The following RBM47 variants were observed in gnomAD, a reference collection of about 807,000 sequenced individuals.
RBM47 encodes RNA binding motif protein 47, also known as RNA-binding protein 47.
RBM47 carries 21 observed loss-of-function variants against 47.1 expected under a neutral mutation model. That is an observed-to-expected ratio of 0.45 (90% CI 0.32 to 0.64). RBM47 has a LOEUF of 0.64. Ranked by LOEUF, RBM47 falls within the 30% of genes least tolerant of loss-of-function variation. The pLI is 0.05. For synonymous variants in RBM47, 375 were observed against 361.7 expected (o/e 1.04, Z -0.42); for missense variants, 708 against 870.9 (o/e 0.81, Z 2.35).
At chr4:40,618,366 G>A (rs1268996157) in intron 1 of RBM47, among the ~76,000 whole-genome samples, 1 of 152,116 alleles carries the variant, frequency 6.6e-6, no homozygotes, top group African/African-American at 2.4e-5. Context: ...AGATTTTACA[G>A]TGAGCAATGT....
chr4:40,605,323 C>T (rs1735667315), intron 1 of RBM47, among the ~76,000 whole-genome samples: 3 of 151,960 alleles, frequency 2.0e-5, no homozygotes, highest in African/African-American at 4.8e-5. Context: ...CTCTGCCCGG[C>T]GCGCCACATG....
At chr4:40,445,671 A>G (rs7693211) in intron 3 of RBM47, among the ~76,000 whole-genome samples, 3,983 of 152,282 alleles carry the variant, frequency 0.026, 174 homozygotes, top group African/African-American at 0.091. Flanking sequence ...AGCCTGCTTC[A>G]AAAGGGTCAT....
At chr4:40,435,320 G>A (rs752799958) in intron 5 of RBM47, among the ~76,000 whole-genome samples, 8 of 152,060 alleles carry the variant, frequency 5.3e-5, no homozygotes, top group Non-Finnish European at 8.8e-5. Flanking sequence ...AGGCTCAGGC[G>A]GGTGGCTCAC....
chr4:40,537,393 G>C (rs1728088833), intron 2 of RBM47, among the ~76,000 whole-genome samples: 5 of 151,852 alleles, frequency 3.3e-5, no homozygotes. Context: ...CTCCTGAGTA[G>C]CTGGGACTAC....
intron 2 of RBM47, among the ~76,000 whole-genome samples, chr4:40,537,608 A>C (rs562371469): frequency 6.6e-6 from 1 of 152,206 alleles, no homozygotes; most frequent in South Asian, 2.1e-4. Flanking sequence ...AGGCTGATGA[A>C]CTGATTTTAA....
At chr4:40,600,999 A>AGAAAAGAAAG (rs1553907562) in intron 1 of RBM47, among the ~76,000 whole-genome samples, 7 of 147,366 alleles carry the variant, frequency 4.8e-5, no homozygotes, top group African/African-American at 1.6e-4. Flanking sequence ...AAAAAAAAAA[A>AGAAAAGAAAG]AAAGAAAGAA....
chr4:40,463,630 A>T (rs1310410774), intron 3 of RBM47, among the ~76,000 whole-genome samples: 1 of 152,104 alleles, frequency 6.6e-6, no homozygotes, highest in African/African-American at 2.4e-5. Context: ...TTGGTAAGTA[A>T]TAACAGATCT....
chr4:40,562,994 C>T (rs1730777675), intron 1 of RBM47, among the ~76,000 whole-genome samples: 1 of 152,110 alleles, frequency 6.6e-6, no homozygotes, highest in African/African-American at 2.4e-5. Flanking sequence ...TAAAAATATC[C>T]AAAATGACGG....
At chr4:40,451,184 CAAAAA>C (rs958122281) in intron 3 of RBM47, among the ~76,000 whole-genome samples, 15 of 51,472 alleles carry the variant, frequency 2.9e-4, no homozygotes, top group African/African-American at 7.9e-4. Context: ...CAGTAGCTAC[CAAAAA>C]AAAAAAAAAA....
intron 2 of RBM47, among the ~76,000 whole-genome samples, chr4:40,489,350 C>T (rs372004866): frequency 3.9e-5 from 6 of 152,162 alleles, no homozygotes; most frequent in Middle Eastern, 3.4e-3. Context: ...AAAGCAAATA[C>T]GGACTATAAA....
At chr4:40,597,166 A>T (rs1734828700) in intron 1 of RBM47, among the ~76,000 whole-genome samples, 2 of 152,200 alleles carry the variant, frequency 1.3e-5, no homozygotes, top group African/African-American at 4.8e-5. Context: ...AGACTGAGGC[A>T]GGAGAATCAC....
chr4:40,559,641 T>G (rs1034874143), intron 1 of RBM47, among the ~76,000 whole-genome samples: 2 of 152,116 alleles, frequency 1.3e-5, no homozygotes, highest in South Asian at 2.1e-4. Flanking sequence ...CAGCAAATAT[T>G]TTTTGAGTTT....
At chr4:40,577,148 C>T (rs574503548) in intron 1 of RBM47, among the ~76,000 whole-genome samples, 8 of 152,346 alleles carry the variant, frequency 5.3e-5, no homozygotes, top group African/African-American at 1.7e-4. Context: ...ATCATGAACA[C>T]ATGACTGTTC....
intron 1 of RBM47, among the ~76,000 whole-genome samples, chr4:40,593,927 G>A (rs896404972): frequency 6.6e-6 from 1 of 150,542 alleles, no homozygotes; most frequent in Non-Finnish European, 1.5e-5. Flanking sequence ...GTGGGTGCCT[G>A]TAATCCCAGC....
In RBM47 at chr4:40,481,709, G is replaced by T. The variant is rs189065585; in HGVS notation, c.-154-15010C>A. On this transcript the variant is annotated intron_variant, in intron 2 of 6. Coordinates refer to ENST00000295971, the MANE Select transcript of RBM47 (RefSeq NM_001098634.2). ...CGGGATTACAGGTGTGCGCCACCAT[G>T]CCCAGCTAATTTTTATATTTTTGGT... is the stretch of plus-strand genomic sequence containing the variant. 9.9e-4 allele frequency among the ~76,000 whole-genome samples: 150 copies of T among 152,066 alleles called. 2 individuals are homozygous for T. The South Asian group carries it at 0.013, about 13-fold the overall frequency.
chr4:40,571,239 A>G (rs1161114953), intron 1 of RBM47, among the ~76,000 whole-genome samples: 1 of 151,950 alleles, frequency 6.6e-6, no homozygotes, highest in Admixed American at 6.6e-5. Flanking sequence ...AAGAAAAGAA[A>G]AGAAAATACT....
At chr4:40,499,132 A>G (rs1372095377) in intron 2 of RBM47, among the ~76,000 whole-genome samples, 1 of 152,222 alleles carries the variant, frequency 6.6e-6, no homozygotes, top group Non-Finnish European at 1.5e-5. Context: ...TTAATAACTA[A>G]GAAATCTGTG....
intron 1 of RBM47, among the ~76,000 whole-genome samples, chr4:40,609,158 A>T (rs1194630052): frequency 5.9e-5 from 9 of 151,566 alleles, no homozygotes; most frequent in African/African-American, 2.2e-4. Context: ...ACGTCCAGCT[A>T]TTTTTTTGTA....
At chr4:40,454,859 T>G (rs1417215413) in intron 3 of RBM47, among the ~76,000 whole-genome samples, 1 of 152,148 alleles carries the variant, frequency 6.6e-6, no homozygotes, top group East Asian at 1.9e-4. Flanking sequence ...CTTACAGAAT[T>G]GAAATGTAGG....
Sources: gnomAD v4.1 joint callset for allele counts (sites outside exome capture counted in the v4.1 genomes callset) on GRCh38, gnomAD v4.1.1 for gene constraint, MANE v1.5 for transcripts, NCBI Gene and HGNC (gene_info 2026-07-23, HGNC 2026-07-21) for gene names.